Variants in CRYBG3 observed in about 807,000 individuals in gnomAD.
CRYBG3 encodes the protein crystallin beta-gamma domain containing 3.
In CRYBG3, 127 loss-of-function variants were observed where a neutral mutation model predicts 244.2. That is an observed-to-expected ratio of 0.52 (90% CI 0.45 to 0.60). The LOEUF is 0.60. Among genes scored for constraint, CRYBG3 ranks in the 20% least tolerant of loss-of-function variants. CRYBG3 has a pLI of 0.00. For missense variants in CRYBG3, 3,325 were observed against 3,442.5 expected (o/e 0.97, Z 0.85); for synonymous variants, 1,132 against 1,195.8 (o/e 0.95, Z 1.10).
intron 18 of CRYBG3, among the ~76,000 whole-genome samples, chr3:97,936,472 A>G (rs2040165075): frequency 6.6e-6 from 1 of 152,020 alleles, no homozygotes. Context: ...ATAGGAGGTT[A>G]TGGTCTGCCT....
At chr3:97,907,463 G>A (rs1361471115) in intron 15 of CRYBG3, among the ~76,000 whole-genome samples, 2 of 150,590 alleles carry the variant, frequency 1.3e-5, no homozygotes, top group African/African-American at 4.9e-5. Flanking sequence ...CTTCTTCCTG[G>A]TTTAGTCTTG....
intron 15 of CRYBG3, 30 bp from the exon 16 acceptor site, chr3:97,912,137 T>A (rs2039879428): frequency 8.2e-7 from 1 of 1,221,660 alleles, no homozygotes; most frequent in South Asian, 1.4e-5. Flanking sequence ...ATTTTTTTTC[T>A]ATTTAACTGT....
At chr3:97,881,561 C>T (rs915972298) in intron 7 of CRYBG3, among the ~76,000 whole-genome samples, 1 of 149,464 alleles carries the variant, frequency 6.7e-6, no homozygotes, top group Non-Finnish European at 1.5e-5. Flanking sequence ...ACTAAAAATA[C>T]AAAAATTGGC....
intron 15 of CRYBG3, among the ~76,000 whole-genome samples, chr3:97,908,432 T>C (rs2039805086): frequency 6.6e-6 from 1 of 152,232 alleles, no homozygotes; most frequent in Non-Finnish European, 1.5e-5. Context: ...TTGGTGCTCC[T>C]GTATTGGGTG....
intron 21 of CRYBG3, 108 bp downstream of exon 21, chr3:97,942,551 C>A (rs2040255563): frequency 9.6e-7 from 1 of 1,039,210 alleles, no homozygotes; most frequent in Non-Finnish European, 1.3e-6. Flanking sequence ...AATGTTAAGT[C>A]ATTTAAAATT....
chr3:97,927,275 A>C (rs1234080583), intron 17 of CRYBG3, among the ~76,000 whole-genome samples: 1 of 151,912 alleles, frequency 6.6e-6, no homozygotes, highest in Non-Finnish European at 1.5e-5. Context: ...ACACCTACAA[A>C]AATTTGATCT....
intron 3 of CRYBG3, among the ~76,000 whole-genome samples, chr3:97,871,426 T>G (rs534980989): frequency 6.6e-6 from 1 of 152,314 alleles, no homozygotes; most frequent in Admixed American, 6.5e-5. Context: ...AAGGTCATTA[T>G]GATGCTTTAA....
At chr3:97,859,330 G>A (rs1306504640) in intron 2 of CRYBG3, among the ~76,000 whole-genome samples, 1 of 152,112 alleles carries the variant, frequency 6.6e-6, no homozygotes, top group African/African-American at 2.4e-5. Flanking sequence ...ACTGCTCAAG[G>A]GGGCAGGGCA....
Position 97,899,261 on chromosome 3 carries a change from C to A in CRYBG3, c.7969C>A (p.Leu2657Met). Residue 2657 changes from leucine to methionine, a missense_variant and splice_region_variant, in exon 14 of 22, where the codon CTG becomes ATG. Physicochemically the swap from Leu to Met is conservative, Grantham distance 15 (BLOSUM62 2). Around this residue, in one of 4 missense-constraint regions of CRYBG3, gnomAD observed 714 missense variants for 803.6 expected, o/e 0.89. Coordinates refer to ENST00000389622, the MANE Select transcript of CRYBG3 (RefSeq NM_153605.4). ...AATCATGTCGATACGGCCAATCCAA[C>A]TGGTGAGTGAAGTATGAACATAGCC... ...NIIMSIRPIQLEPLGINEPPH... is the reference protein window; with the variant it reads ...NIIMSIRPIQMEPLGINEPPH... The A allele has an allele frequency of 6.2e-7, 1 of 1,611,434 alleles. No homozygotes were observed. Among genetic ancestry groups the A allele is most frequent in the East Asian group, 2.2e-5 (1 of 44,832 alleles).
intron 17 of CRYBG3, 118 bp from the exon 18 acceptor site, chr3:97,933,576 A>G (rs1319522284): frequency 3.0e-6 from 3 of 1,000,914 alleles, no homozygotes; most frequent in African/African-American, 3.2e-5. Context: ...CTTAGAGAGT[A>G]AAACAGTAAA....
intron 2 of CRYBG3, among the ~76,000 whole-genome samples, chr3:97,853,241 T>C (rs2039013901): frequency 7.0e-6 from 1 of 141,862 alleles, no homozygotes; most frequent in African/African-American, 2.6e-5. Flanking sequence ...AGCTTTCACA[T>C]AAGTGAGAAC....
rs762071322 is a variant in CRYBG3 at position 97,877,074 on chromosome 3, A to G, written c.5880A>G (p.Arg1960=). 1.9e-6 allele frequency: 3 copies of G among 1,610,320 alleles called. No homozygotes were observed. In the South Asian group the frequency reaches 3.3e-5, roughly 18 times the overall value. ...TTCAACCTGGGGATACCACAGTAAG[A>G]CTAGACAAAAGAATGTCTCTTACTG... The part of the protein sequence containing the change: ...PDFQPGDTTV[R]LDKRMSLTAI... The change falls in exon 4 of 22, where the codon AGA becomes AGG. Residue 1960 remains arginine, a synonymous_variant. Transcript: ENST00000389622.
chr3:97,834,825 T>G (rs1202850784), intron 1 of CRYBG3, among the ~76,000 whole-genome samples: 1 of 152,196 alleles, frequency 6.6e-6, no homozygotes, highest in African/African-American at 2.4e-5. Context: ...TGCACTCACT[T>G]GTTTTTGCTT....
rs2039338679 is a variant in CRYBG3 at position 97,874,014 on chromosome 3, A to G, written c.2820A>G (p.Ile940Met). 1.3e-6 allele frequency: 2 copies of G among 1,535,550 alleles called. No homozygotes were observed. The highest frequency in any genetic ancestry group is 8.7e-7 in the Non-Finnish European group (1 of 1,146,754). ...GSPPALLKSN[I>M]SWILPPIHDE... ...CTCCTGCTCTTCTTAAAAGTAATAT[A>G]TCTTGGATTTTACCACCTATTCATG... The change falls in exon 4 of 22, where the codon ATA becomes ATG. Residue 940 changes from isoleucine (I) to methionine (M), a missense_variant. Physicochemically the swap from Ile to Met is conservative, Grantham distance 10 (BLOSUM62 1). Transcript: ENST00000389622.
At chr3:97,835,528 A>G in intron 1 of CRYBG3, among the ~76,000 whole-genome samples, 1 of 152,232 alleles carries the variant, frequency 6.6e-6, no homozygotes, top group East Asian at 1.9e-4. Flanking sequence ...ACAGAATTAG[A>G]GGAGGAGTGG....
At chr3:97,941,057 C>T in intron 19 of CRYBG3, 91 bp from the exon 20 acceptor site, 2 of 986,564 alleles carry the variant, frequency 2.0e-6, no homozygotes, top group Admixed American at 4.5e-5. Flanking sequence ...AGATAGTTAC[C>T]TCTCACTTTC....
Position 97,877,034 on chromosome 3 carries a change from C to G in CRYBG3, c.5840C>G (p.Pro1947Arg), listed in dbSNP as rs1379165865. Reference protein sequence around the residue: ...LSKDYEGYPAPAMPDFQPGDT... With the variant: ...LSKDYEGYPARAMPDFQPGDT... ...AAGGATTATGAGGGCTACCCAGCCC[C>G]AGCAATGCCAGATTTTCAACCTGGG... Residue 1947 changes from proline (P) to arginine (R), a missense_variant, in exon 4 of 22, where the codon CCA (proline) becomes CGA (arginine). Pro to Arg is a moderately radical substitution (Grantham distance 103). This residue lies in a region of CRYBG3 where 450 missense variants were observed against 424.1 expected (regional missense o/e 1.06). Transcript: ENST00000389622. The G allele has an allele frequency of 6.3e-6, 10 of 1,581,936 alleles. No homozygotes were observed. The highest frequency in any genetic ancestry group is 2.7e-5 in the African/African-American group (2 of 73,992).
chr3:97,941,438 C>A (rs745378547), intron 20 of CRYBG3, 132 bp downstream of exon 20: 3 of 579,784 alleles, frequency 5.2e-6, no homozygotes, highest in Non-Finnish European at 8.8e-6. Context: ...TATAAAAATA[C>A]TGCCATATAT....
At chr3:97,825,659 C>T (rs2038568353) in intron 1 of CRYBG3, among the ~76,000 whole-genome samples, 1 of 152,160 alleles carries the variant, frequency 6.6e-6, no homozygotes, top group Non-Finnish European at 1.5e-5. Flanking sequence ...CAGTAGCATC[C>T]TCTGGTCATT....
Sources: allele counts gnomAD v4.1 joint callset (sites outside exome capture counted in the v4.1 genomes callset), GRCh38; gene constraint gnomAD v4.1.1; regional missense constraint gnomAD v4.1.1; transcripts MANE v1.5; gene names NCBI Gene and HGNC (gene_info 2026-07-23, HGNC 2026-07-21).